The following SPPL3 variants were observed in gnomAD, a reference collection of about 807,000 sequenced individuals.
SPPL3 encodes the protein signal peptide peptidase-like 3.
Under a neutral mutation model 42.4 loss-of-function variants are expected in SPPL3, and 5 were observed. That is an observed-to-expected ratio of 0.12 (90% CI 0.06 to 0.25). The LOEUF (loss-of-function observed/expected upper bound fraction) is 0.25, where lower values mean the gene tolerates loss of function less well. Among genes scored for constraint, SPPL3 ranks in the 10% least tolerant of loss-of-function variants. SPPL3 has a pLI of 1.00. For synonymous variants in SPPL3, 195 were observed against 181.8 expected, an observed-to-expected ratio of 1.07 and a Z score of -0.58; for missense variants, 235 against 489.0, an observed-to-expected ratio of 0.48 and a Z score of 4.90.
chr12:120,834,618 T>C (rs974604195), intron 1 of SPPL3, among the ~76,000 whole-genome samples: 91 of 152,204 alleles, frequency 6.0e-4, no homozygotes, highest in African/African-American at 2.2e-3. Flanking sequence ...TTCTGCAATC[T>C]TACACTCATT....
chr12:120,900,040 G>A (rs1240215321), intron 1 of SPPL3, among the ~76,000 whole-genome samples: 1 of 151,852 alleles, frequency 6.6e-6, no homozygotes. Context: ...ACATATAAAG[G>A]GCCTTGTTGA....
chr12:120,879,113 CAAAAAAAAAA>C (rs63543261), intron 1 of SPPL3, among the ~76,000 whole-genome samples: 3 of 65,142 alleles, frequency 4.6e-5, no homozygotes, highest in East Asian at 8.9e-4. Context: ...AACTCTGTCT[CAAAAAAAAAA>C]AAAAAAAAAA....
At chr12:120,804,597 C>T (rs1192389002) in intron 2 of SPPL3, among the ~76,000 whole-genome samples, 1 of 152,096 alleles carries the variant, frequency 6.6e-6, no homozygotes, top group Non-Finnish European at 1.5e-5. Flanking sequence ...TAGATAATAA[C>T]AAGTGTTGGT....
intron 6 of SPPL3, 46 bp from the exon 7 acceptor site, chr12:120,769,105 C>T: frequency 2.1e-6 from 3 of 1,438,288 alleles, no homozygotes; most frequent in Non-Finnish European, 2.9e-6. Context: ...GTGTGGACTC[C>T]AGGCTCATCC....
rs147322015 is a variant in SPPL3, at chr12:120,776,578, T to G, written c.502+6077A>C. On this transcript the variant is annotated intron_variant, in intron 6 of 10. Coordinates refer to ENST00000353487, the MANE Select transcript of SPPL3 (RefSeq NM_139015.5). ...AATGTCACCTTCCACCATGCTGAAC[T>G]TTTTTTTTTTGGTAACATACTATTA... Among the ~76,000 whole-genome samples, 18 of 146,668 alleles carry G rather than the reference T, an allele frequency of 1.2e-4. No individual in the cohort carries two copies. The East Asian group carries it at 3.4e-3, about 28-fold the overall frequency.
intron 6 of SPPL3, among the ~76,000 whole-genome samples, chr12:120,776,900 G>A (rs1199121442): frequency 6.6e-6 from 1 of 152,132 alleles, no homozygotes; most frequent in African/African-American, 2.4e-5. Flanking sequence ...GTCATAATAT[G>A]GGCTTTGCAT....
chr12:120,875,753 A>G (rs1873067025), intron 1 of SPPL3, among the ~76,000 whole-genome samples: 1 of 152,236 alleles, frequency 6.6e-6, no homozygotes, highest in African/African-American at 2.4e-5. Flanking sequence ...TAACATAAGC[A>G]TATCAATAAT....
rs1870470774 is a variant in SPPL3, at chr12:120,805,866, AACATC to A, written c.101+4938_101+4942del. Among the ~76,000 whole-genome samples, 3 of 152,326 alleles carry A rather than the reference AACATC, an allele frequency of 2.0e-5. No individual in the cohort carries two copies. In the South Asian group the frequency reaches 6.2e-4, roughly 32 times the overall value. ...TTAATAGAAATTAAAGAATATCTAA[AACATC>A]TAAATTAAAGAATATCTAAATAAAC... On this transcript the variant is annotated intron_variant, in intron 2 of 10. Transcript: ENST00000353487.
intron 1 of SPPL3, among the ~76,000 whole-genome samples, chr12:120,819,958 G>C (rs1260912900): frequency 6.6e-6 from 1 of 152,106 alleles, no homozygotes; most frequent in Admixed American, 6.6e-5. Flanking sequence ...GAAAAAAGGT[G>C]CGAAAATGAA....
intron 6 of SPPL3, among the ~76,000 whole-genome samples, chr12:120,770,458 G>T (rs114752507): frequency 6.6e-6 from 1 of 152,144 alleles, no homozygotes; most frequent in Non-Finnish European, 1.5e-5. Context: ...TTGAGTGCTC[G>T]ATCACTTCCA....
intron 1 of SPPL3, chr12:120,835,320 CTCA>C (rs145773168): frequency 2.0e-3 from 303 of 152,332 alleles, no homozygotes; most frequent in African/African-American, 6.2e-3. Context: ...CTTAACCATC[CTCA>C]TGATTTATGA....
chr12:120,822,210 T>C (rs1277605285), intron 1 of SPPL3, among the ~76,000 whole-genome samples: 1 of 152,234 alleles, frequency 6.6e-6, no homozygotes, highest in Non-Finnish European at 1.5e-5. Context: ...ACGTACTTAA[T>C]GTTACTGAAC....
At chr12:120,799,777 A>C (rs1372790968) in intron 2 of SPPL3, among the ~76,000 whole-genome samples, 1 of 152,204 alleles carries the variant, frequency 6.6e-6, no homozygotes, top group Non-Finnish European at 1.5e-5. Flanking sequence ...TATTAGCTCA[A>C]GCTGGGAAGA....
At chr12:120,835,088 AT>A (rs912649489) in intron 1 of SPPL3, among the ~76,000 whole-genome samples, 1 of 152,080 alleles carries the variant, frequency 6.6e-6, no homozygotes, top group African/African-American at 2.4e-5. Context: ...CATACATCTT[AT>A]TTGTCCTGTT....
chr12:120,902,023 G>A lies in SPPL3; in HGVS notation c.23+1822C>T, dbSNP rs1355392199. 6 of 631,788 alleles carry A rather than the reference G, an allele frequency of 9.5e-6. No individual in the cohort carries two copies. In the Admixed American group the frequency reaches 3.8e-4, roughly 40 times the overall value. 39.1% of individuals were successfully genotyped at this position (631,788 alleles called of 1,614,324 possible). On this transcript the variant is annotated intron_variant, in intron 1 of 10. Transcript: ENST00000353487. Reference sequence around the variant, plus strand: ...CACAGCCATTAGGGCCAGAGTATGAGAAGCTCAAGATGAGTAACCACAAGG... The same window carrying A: ...CACAGCCATTAGGGCCAGAGTATGAAAAGCTCAAGATGAGTAACCACAAGG...
At chr12:120,779,341 C>G (rs375712668) in intron 6 of SPPL3, among the ~76,000 whole-genome samples, 1 of 152,148 alleles carries the variant, frequency 6.6e-6, no homozygotes, top group Non-Finnish European at 1.5e-5. Context: ...TGGTGGAGTG[C>G]AGAGGAGCCT....
At chr12:120,839,180 A>T (rs993131524) in intron 1 of SPPL3, among the ~76,000 whole-genome samples, 2 of 151,882 alleles carry the variant, frequency 1.3e-5, no homozygotes, top group African/African-American at 2.4e-5. Flanking sequence ...ATGCAGCCAT[A>T]AAAAATGATG....
At chr12:120,864,032 T>C (rs1271041302) in intron 1 of SPPL3, among the ~76,000 whole-genome samples, 1 of 152,150 alleles carries the variant, frequency 6.6e-6, no homozygotes, top group African/African-American at 2.4e-5. Flanking sequence ...ACCCTATCAA[T>C]GAACTTTCTG....
intron 1 of SPPL3, among the ~76,000 whole-genome samples, chr12:120,852,378 A>C (rs1043212230): frequency 6.5e-5 from 4 of 61,608 alleles, no homozygotes; most frequent in African/African-American, 2.3e-4. Flanking sequence ...ATGTATATAT[A>C]ATATACATAT....
Sources: allele counts gnomAD v4.1 joint callset (sites outside exome capture counted in the v4.1 genomes callset), GRCh38; gene constraint gnomAD v4.1.1; transcripts MANE v1.5; gene names NCBI Gene and HGNC (gene_info 2026-07-23, HGNC 2026-07-21).